BCAS3: variants seen among roughly 807,000 people sequenced by gnomAD.
The protein encoded by BCAS3 is BCAS3 microtubule associated cell migration factor.
BCAS3 carries 53 observed loss-of-function variants against 116.1 expected under a neutral mutation model. That is an observed-to-expected ratio of 0.46 (90% CI 0.37 to 0.57). The LOEUF (loss-of-function observed/expected upper bound fraction) is 0.57, where lower values mean the gene tolerates loss of function less well. Among genes scored for constraint, BCAS3 ranks in the 20% least tolerant of loss-of-function variants. The pLI, the probability that BCAS3 is intolerant of heterozygous loss-of-function variation, is 0.00. For missense variants in BCAS3, 917 were observed against 1,165.4 expected (o/e 0.79, Z 3.10); for synonymous variants, 391 against 408.2 (o/e 0.96, Z 0.51).
At chr17:61,202,097 C>T in intron 22 of BCAS3, among the ~76,000 whole-genome samples, 1 of 124,076 alleles carries the variant, frequency 8.1e-6, no homozygotes. Flanking sequence ...TTTTTATGTG[C>T]CAGACACTAT....
intron 7 of BCAS3, chr17:60,811,335 A>T (rs2048795658): frequency 4.4e-6 from 3 of 685,370 alleles, no homozygotes; most frequent in African/African-American, 3.5e-5. Context: ...GATGGTGAGG[A>T]CTTCAGTCTT....
At chr17:60,872,601 AC>A (rs1260860918) in intron 8 of BCAS3, among the ~76,000 whole-genome samples, 2 of 150,050 alleles carry the variant, frequency 1.3e-5, no homozygotes, top group Non-Finnish European at 3.0e-5. Context: ...ATGGACACAC[AC>A]CCCATATCTA....
intron 7 of BCAS3, among the ~76,000 whole-genome samples, chr17:60,833,207 T>C (rs2051093587): frequency 6.6e-6 from 1 of 152,188 alleles, no homozygotes; most frequent in African/African-American, 2.4e-5. Flanking sequence ...TCAAATAGTC[T>C]GCCCTTGTGC....
intron 6 of BCAS3, among the ~76,000 whole-genome samples, chr17:60,767,875 A>G (rs756187226): frequency 6.6e-6 from 1 of 152,096 alleles, no homozygotes; most frequent in Non-Finnish European, 1.5e-5. Context: ...ATCATGGCTC[A>G]CTGCAGCTTT....
At chr17:61,271,635 T>TGTGTG (rs2050287012) in intron 22 of BCAS3, among the ~76,000 whole-genome samples, 1 of 95,922 alleles carries the variant, frequency 1.0e-5, no homozygotes. Context: ...GTGTGTGTGT[T>TGTGTG]TAGTAGAGAC....
At position 61,020,162 on chromosome 17, in the gene BCAS3, T is replaced by C. The variant is rs1299744485; in HGVS notation, c.1637+4261T>C. ...CTAAAGATTTCTAGGATCCAGTAAT[T>C]AAATACCCAAATTGAGATAGAAGCC... is the stretch of plus-strand genomic sequence containing the variant. On this transcript the variant is annotated intron_variant, in intron 16 of 23. Coordinates refer to ENST00000407086, the MANE Select transcript of BCAS3 (RefSeq NM_017679.5). The surrounding 1 kb of genome is among the most constrained non-coding windows in gnomAD (Gnocchi z 4.5). 6.6e-6 allele frequency among the ~76,000 whole-genome samples: 1 copy of C among 152,188 alleles called. No individual in the cohort carries two copies. The highest frequency in any genetic ancestry group is 2.4e-5 in the African/African-American group (1 of 41,436).
intron 7 of BCAS3, among the ~76,000 whole-genome samples, chr17:60,854,365 G>A (rs548029203): frequency 1.3e-5 from 2 of 152,170 alleles, no homozygotes; most frequent in Non-Finnish European, 2.9e-5. Flanking sequence ...ACATACGTGT[G>A]CATGTGTCTT....
rs1401024746 is a variant in BCAS3 at position 61,021,554 on chromosome 17, T to A, written c.1637+5653T>A. ...ATTTCTTCACCTGAAAAAAAAAAGT[T>A]TATATATATGGATTATAATCTTTTA... On this transcript the variant is annotated intron_variant, in intron 16 of 23. Transcript: ENST00000407086. The surrounding 1 kb of genome is among the most constrained non-coding windows in gnomAD (Gnocchi z 4.6). Among the ~76,000 whole-genome samples the A allele has an allele frequency of 7.2e-5, 11 of 152,138 alleles. No individual in the cohort carries two copies. Among genetic ancestry groups the A allele is most frequent in the African/African-American group, 2.7e-4 (11 of 41,424 alleles).
chr17:60,992,930 G>A (rs2063621264), intron 15 of BCAS3, among the ~76,000 whole-genome samples: 1 of 152,144 alleles, frequency 6.6e-6, no homozygotes, highest in Admixed American at 6.5e-5. Flanking sequence ...TTTTGGCAAA[G>A]AGATTCACTG....
In BCAS3 at chr17:61,235,278, T is replaced by G. The variant is rs748713235; in HGVS notation, c.2426-133049T>G. ...GCCAGGTGAAGGCTGAAGGACCGGA[T>G]AAGTGTAGTTTCCAGAATCCTTCTT... is the stretch of plus-strand genomic sequence containing the variant. On this transcript the variant is annotated intron_variant, in intron 22 of 23. Coordinates refer to ENST00000407086, the MANE Select transcript of BCAS3 (RefSeq NM_017679.5). This position sits in a 1 kb window ranked among gnomAD's most constrained non-coding sequence, Gnocchi z 5.0. 1.3e-5 allele frequency among the ~76,000 whole-genome samples: 2 copies of G among 152,186 alleles called. No individual in the cohort carries two copies. Among genetic ancestry groups the G allele is most frequent in the Non-Finnish European group, 2.9e-5 (2 of 68,038 alleles).
At chr17:61,297,501 C>T (rs1326031293) in intron 22 of BCAS3, among the ~76,000 whole-genome samples, 2 of 152,074 alleles carry the variant, frequency 1.3e-5, no homozygotes, top group Admixed American at 6.6e-5. Flanking sequence ...TCACCTAAAC[C>T]CTCCTGTTAT....
At chr17:61,336,720 T>C (rs550162760) in intron 22 of BCAS3, among the ~76,000 whole-genome samples, 38 of 152,326 alleles carry the variant, frequency 2.5e-4, no homozygotes, top group Non-Finnish European at 5.4e-4. Flanking sequence ...ACAACTTTGT[T>C]TGGGGAAAGC....
At position 61,354,134 on chromosome 17, in the gene BCAS3, G is replaced by A. The variant is rs530554977; in HGVS notation, c.2426-14193G>A. The A allele has an allele frequency of 6.6e-6, 1 of 152,290 alleles. No homozygotes were observed. Among genetic ancestry groups the A allele is most frequent in the South Asian group, 2.1e-4 (1 of 4,822 alleles). 9.4% of individuals were successfully genotyped at this position (152,290 alleles called of 1,614,324 possible). A position where few individuals can be genotyped will look rare whatever the true frequency, so the allele number is the denominator to read the frequency against. On this transcript the variant is annotated intron_variant, in intron 22 of 23. Coordinates refer to ENST00000407086, the MANE Select transcript of BCAS3 (RefSeq NM_017679.5). This position sits in a 1 kb window ranked among gnomAD's most constrained non-coding sequence, Gnocchi z 4.5. ...TTGTTCACTGAGACCTTCACAGAAG[G>A]TCGCACAACCACCCTGGACGGTGAG...
At chr17:60,898,544 G>C (rs1246746506) in intron 10 of BCAS3, among the ~76,000 whole-genome samples, 1 of 152,112 alleles carries the variant, frequency 6.6e-6, no homozygotes, top group East Asian at 1.9e-4. Flanking sequence ...AGTTTTGCTG[G>C]AGACTGGGAT....
rs548342762 is a variant in BCAS3 at position 61,188,694 on chromosome 17, C to T, written c.2425+104130C>T. On this transcript the variant is annotated intron_variant, in intron 22 of 23. Coordinates refer to ENST00000407086, the MANE Select transcript of BCAS3 (RefSeq NM_017679.5). This position sits in a 1 kb window ranked among gnomAD's most constrained non-coding sequence, Gnocchi z 4.0. ...CAGGCAACTGCTCAGAGTGCTGTGT[C>T]GAGCTTAATGGGTATAAAGGAGAAG... Among the ~76,000 whole-genome samples the T allele has an allele frequency of 4.6e-5, 7 of 152,210 alleles. No homozygotes were observed. Among genetic ancestry groups the T allele is most frequent in the South Asian group, 4.1e-4 (2 of 4,822 alleles).
intron 22 of BCAS3, among the ~76,000 whole-genome samples, chr17:61,137,516 C>T (rs574003643): frequency 1.3e-5 from 2 of 152,226 alleles, no homozygotes; most frequent in South Asian, 4.1e-4. Flanking sequence ...CGCCTGTAAT[C>T]CCAGCACTTT....
At chr17:60,824,935 G>A (rs991291865) in intron 7 of BCAS3, among the ~76,000 whole-genome samples, 4 of 152,184 alleles carry the variant, frequency 2.6e-5, no homozygotes, top group Non-Finnish European at 4.4e-5. Context: ...GGAGACCAAG[G>A]CAGGAGGATC....
chr17:61,335,262 T>C (rs2056629408), intron 22 of BCAS3, among the ~76,000 whole-genome samples: 1 of 152,226 alleles, frequency 6.6e-6, no homozygotes, highest in African/African-American at 2.4e-5. Flanking sequence ...GGAGGGGGAC[T>C]TTCCCCTCTG....
intron 7 of BCAS3, among the ~76,000 whole-genome samples, chr17:60,830,210 T>TA (rs1365118909): frequency 1.3e-5 from 2 of 152,158 alleles, no homozygotes; most frequent in Non-Finnish European, 2.9e-5. Flanking sequence ...AGGCTGGTGT[T>TA]AAACTCCTGA....
Sources: gnomAD v4.1 joint callset for allele counts (sites outside exome capture counted in the v4.1 genomes callset) on GRCh38, gnomAD v4.1.1 for gene constraint, Gnocchi (gnomAD v3.1) non-coding constraint, MANE v1.5 for transcripts, NCBI Gene and HGNC (gene_info 2026-07-23, HGNC 2026-07-21) for gene names.